The following BACH1 variants were observed in gnomAD, a reference collection of about 807,000 sequenced individuals.
BACH1 encodes the protein transcription regulator protein BACH1.
BACH1 carries 35 observed loss-of-function variants against 52.9 expected under a neutral mutation model. That is an observed-to-expected ratio of 0.66 (90% CI 0.51 to 0.88). The LOEUF (loss-of-function observed/expected upper bound fraction) is 0.88, where lower values mean the gene tolerates loss of function less well. Ranked by LOEUF, BACH1 falls within the 40% of genes least tolerant of loss-of-function variation. The pLI is 0.00. For synonymous variants in BACH1, 321 were observed against 319.6 expected (o/e 1.00, Z -0.05); for missense variants, 808 against 872.6 (o/e 0.93, Z 0.93).
chr21:29,349,106 A>G (rs1023994494), downstream of BACH1, among the ~76,000 whole-genome samples: 2 of 152,018 alleles, frequency 1.3e-5, no homozygotes, highest in Admixed American at 6.5e-5. Context: ...AAAAAAAAAA[A>G]AAATCTATCT....
At chr21:29,300,366 A>G (rs1000945885) in intron 1 of BACH1, among the ~76,000 whole-genome samples, 1 of 152,178 alleles carries the variant, frequency 6.6e-6, no homozygotes, top group Non-Finnish European at 1.5e-5. Context: ...GCTGGTGCAA[A>G]TACTCTCATC....
rs750945531 is a variant in BACH1, at chr21:29,345,979, T to C, written c.*3146T>C. On this transcript the variant is annotated 3_prime_UTR_variant, in exon 5 of 5. Transcript: ENST00000286800. ...ACAATGCAATAAAACCACTAAACTT[T>C]TGTGTCCATATTTTACTGAGACCAT... 1 of 152,620 alleles carries C rather than the reference T, an allele frequency of 6.6e-6. No individual in the cohort carries two copies. Among genetic ancestry groups the C allele is most frequent in the East Asian group, 1.9e-4 (1 of 5,202 alleles). 9.5% of individuals were successfully genotyped at this position (152,620 alleles called of 1,614,324 possible).
At chr21:29,355,066 C>G (rs1003986636) in intron 2 of BACH1, among the ~76,000 whole-genome samples, 1 of 152,184 alleles carries the variant, frequency 6.6e-6, no homozygotes, top group Admixed American at 6.5e-5. Context: ...GGGACCGGAG[C>G]GGGTTGCCCC....
intron 2 of BACH1, among the ~76,000 whole-genome samples, chr21:29,358,770 A>AAAAGAAAAGAAAGAAAGAAAGAAAGAAAG (rs1409780180): frequency 4.6e-5 from 5 of 108,890 alleles, no homozygotes; most frequent in South Asian, 3.1e-4. Context: ...AAAAGAAAAG[A>AAAAGAAAAGAAAGAAAGAAAGAAAGAAAG]AAAGAAAGAA....
At chr21:29,337,252 T>C (rs2089055684) in intron 4 of BACH1, among the ~76,000 whole-genome samples, 1 of 152,222 alleles carries the variant, frequency 6.6e-6, no homozygotes, top group Admixed American at 6.5e-5. Context: ...AGCAGTTATA[T>C]TGGACTTTGG....
chr21:29,355,932 C>T (rs2089231892), intron 2 of BACH1, among the ~76,000 whole-genome samples: 1 of 152,172 alleles, frequency 6.6e-6, no homozygotes. Flanking sequence ...AACACTCTTC[C>T]CCTAAGAAGA....
In BACH1 at chr21:29,321,152, G is replaced by C. The variant is rs2088842671; in HGVS notation, c.-60-69G>C. On this transcript the variant is annotated intron_variant, in intron 1 of 4. Transcript: ENST00000286800. ...TTTGTTTTAATGAGTATGTATCTTA[G>C]CCTGTATTTGACACTGTCATTTTTT... The C allele has an allele frequency of 1.5e-5, 12 of 797,052 alleles. No individual in the cohort carries two copies. The South Asian group carries it at 1.8e-4, about 12-fold the overall frequency. The allele number at this position is 797,052 out of a possible 1,614,324, so 49.4% of individuals were successfully genotyped here.
In BACH1 at chr21:29,327,152, G is replaced by C. The variant is rs775802435; in HGVS notation, c.1328G>C (p.Ser443Thr). ...TGTCCGTGGTTAGGTATCAGGATTA[G>C]TGAGAGCCCAGAACCAGGTCAAAGG... ...SECPWLGIRISESPEPGQRTF... is the reference protein window; with the variant it reads ...SECPWLGIRITESPEPGQRTF... The change falls in exon 3 of 5, where the codon AGT becomes ACT. Residue 443 changes from serine (S) to threonine (T), a missense_variant. Transcript: ENST00000286800. 2 of 1,614,260 alleles carry C rather than the reference G, an allele frequency of 1.2e-6. No homozygotes were observed. Among genetic ancestry groups the C allele is most frequent in the South Asian group, 1.1e-5 (1 of 91,090 alleles).
At chr21:29,301,103 G>A (rs992945790) in intron 1 of BACH1, among the ~76,000 whole-genome samples, 9 of 152,138 alleles carry the variant, frequency 5.9e-5, no homozygotes, top group African/African-American at 2.2e-4. Context: ...CCTATTAATG[G>A]TAGTTCATTT....
chr21:29,347,414 C>T (rs1419922425), downstream of BACH1, among the ~76,000 whole-genome samples: 1 of 152,182 alleles, frequency 6.6e-6, no homozygotes, highest in African/African-American at 2.4e-5. Context: ...TCATTAGAAT[C>T]AGGGACTACT....
chr21:29,307,047 A>G (rs754895051), intron 1 of BACH1, among the ~76,000 whole-genome samples: 24 of 152,214 alleles, frequency 1.6e-4, no homozygotes, highest in Non-Finnish European at 3.1e-4. Flanking sequence ...TCTGTCCCTC[A>G]GTCCATAGTG....
chr21:29,303,395 G>A (rs2088623726), intron 1 of BACH1, among the ~76,000 whole-genome samples: 1 of 152,150 alleles, frequency 6.6e-6, no homozygotes, highest in Non-Finnish European at 1.5e-5. Flanking sequence ...ATGTGCCTTG[G>A]CTGTGTTTCT....
At chr21:29,317,381 C>T (rs534398992) in intron 1 of BACH1, among the ~76,000 whole-genome samples, 2 of 152,304 alleles carry the variant, frequency 1.3e-5, no homozygotes, top group East Asian at 3.9e-4. Context: ...TGGCAGGGAA[C>T]AAATCAGACA....
At chr21:29,354,084 C>G (rs1203060607) in intron 2 of BACH1, among the ~76,000 whole-genome samples, 1 of 152,190 alleles carries the variant, frequency 6.6e-6, no homozygotes, top group African/African-American at 2.4e-5. Context: ...GAGCGGGAAG[C>G]TGGGTGAAGA....
intron 2 of BACH1, among the ~76,000 whole-genome samples, chr21:29,321,957 T>C (rs2088853240): frequency 6.6e-6 from 1 of 152,180 alleles, no homozygotes; most frequent in African/African-American, 2.4e-5. Context: ...AGAAGTTTAA[T>C]CGGCTCACAG....
chr21:29,305,964 A>G (rs1040103302), intron 1 of BACH1, among the ~76,000 whole-genome samples: 1 of 152,220 alleles, frequency 6.6e-6, no homozygotes, highest in African/African-American at 2.4e-5. Flanking sequence ...ATAGCATGCT[A>G]TAGTAGCAAC....
chr21:29,301,151 CCTTT>C (rs2088598811), intron 1 of BACH1, among the ~76,000 whole-genome samples: 1 of 152,006 alleles, frequency 6.6e-6, no homozygotes, highest in African/African-American at 2.4e-5. Flanking sequence ...TTATTTTGTT[CCTTT>C]AAGTCTGGGA....
intron 2 of BACH1, among the ~76,000 whole-genome samples, 175 bp from the exon 3 acceptor site, chr21:29,325,884 A>G (rs1329649082): frequency 6.6e-5 from 10 of 152,212 alleles, no homozygotes; most frequent in Admixed American, 5.2e-4. Context: ...ATGCTTTTCC[A>G]GGATCTTTTT....
At chr21:29,339,532 A>G (rs543221270) in intron 4 of BACH1, among the ~76,000 whole-genome samples, 70 of 151,344 alleles carry the variant, frequency 4.6e-4, no homozygotes, top group African/African-American at 1.6e-3. Context: ...ATTCTTCTAT[A>G]TCTTTATTGG....
Sources: allele counts gnomAD v4.1 joint callset (sites outside exome capture counted in the v4.1 genomes callset), GRCh38; gene constraint gnomAD v4.1.1; transcripts MANE v1.5; gene names NCBI Gene and HGNC (gene_info 2026-07-23, HGNC 2026-07-21).